Variants in NEAT1 observed in about 807,000 individuals in gnomAD.
NEAT1 encodes the protein MENepsilon/beta.
At chr11:65,437,251 A>ATGTAT (rs1856669607) in exon 1 of NEAT1, 1 of 146,714 alleles carries the variant, frequency 6.8e-6, no homozygotes, top group Non-Finnish European at 1.5e-5. Flanking sequence ...ATATATATAT[A>ATGTAT]CTAATTTTCT....
exon 1 of NEAT1, chr11:65,445,210 A>C (rs1856755607): frequency 6.6e-6 from 1 of 152,244 alleles, no homozygotes. Context: ...CTGAAGGGCC[A>C]GCACCTTCTC....
chr11:65,437,087 A>C lies in NEAT1; in HGVS notation n.14290A>C, dbSNP rs114712408. On this transcript the variant is annotated non_coding_transcript_exon_variant, in exon 1 of 1. Transcript: ENST00000501122. ...GGTTGTATACTTACTGATTAATAAT[A>C]AGAGCTCTTTACATATTAAGGAAAT... is the stretch of plus-strand genomic sequence containing the variant. 896 of 151,760 alleles carry C rather than the reference A, an allele frequency of 5.9e-3. 7 individuals are homozygous for C. The highest frequency in any genetic ancestry group is 0.021 in the African/African-American group (852 of 41,386). 9.4% of individuals were successfully genotyped at this position (151,760 alleles called of 1,614,324 possible). A position where few individuals can be genotyped will look rare whatever the true frequency, so the allele number is the denominator to read the frequency against.
chr11:65,438,895 CATT>C (rs1430312481), exon 1 of NEAT1: 2 of 152,144 alleles, frequency 1.3e-5, no homozygotes, highest in African/African-American at 4.8e-5. Flanking sequence ...TCAATTCTCT[CATT>C]ATATACCTAG....
exon 1 of NEAT1, chr11:65,426,375 C>G (rs1428103738): frequency 6.6e-6 from 1 of 152,082 alleles, no homozygotes; most frequent in Non-Finnish European, 1.5e-5. Flanking sequence ...CTCGGGTATG[C>G]TGTTGTGAAA....
chr11:65,425,198 AACAG>A (rs1471351992), exon 1 of NEAT1: 1 of 152,184 alleles, frequency 6.6e-6, no homozygotes, highest in African/African-American at 2.4e-5. Flanking sequence ...TTTAAGTGCA[AACAG>A]ACAAACTAAC....
At chr11:65,424,620 CAAATT>C (rs1422569479) in exon 1 of NEAT1, 3 of 152,126 alleles carry the variant, frequency 2.0e-5, no homozygotes, top group Admixed American at 1.3e-4. Context: ...AGCAGATTGT[CAAATT>C]AAGGGTGTCA....
At chr11:65,433,301 A>G in exon 1 of NEAT1, 1 of 152,204 alleles carries the variant, frequency 6.6e-6, no homozygotes, top group South Asian at 2.1e-4. Context: ...TGTTAATAAA[A>G]TGCAATGGAA....
At chr11:65,437,228 C>CATATATATATATACAT (rs377012577) in exon 1 of NEAT1, 6 of 129,288 alleles carry the variant, frequency 4.6e-5, no homozygotes, top group African/African-American at 1.8e-4. Flanking sequence ...TATATATATA[C>CATATATATATATACAT]ATATATATAT....
At chr11:65,430,811 A>G (rs1856608124) in exon 1 of NEAT1, 1 of 152,186 alleles carries the variant, frequency 6.6e-6, no homozygotes, top group African/African-American at 2.4e-5. Flanking sequence ...TTGTGAGTAT[A>G]TGATATCCAT....
exon 1 of NEAT1, chr11:65,432,355 C>A (rs1485023693): frequency 6.6e-6 from 1 of 152,124 alleles, no homozygotes; most frequent in African/African-American, 2.4e-5. Context: ...TGATTGTAAA[C>A]CTTATCCTCC....
At chr11:65,437,486 G>A (rs769312306) in exon 1 of NEAT1, 3 of 151,752 alleles carry the variant, frequency 2.0e-5, no homozygotes, top group Non-Finnish European at 2.9e-5. Flanking sequence ...GTCTATTCAC[G>A]TGCCAGTTCC....
exon 1 of NEAT1, chr11:65,431,985 C>T (rs1423226338): frequency 2.6e-5 from 4 of 152,126 alleles, no homozygotes. Context: ...TCCAAGAAAT[C>T]CTTGCCAAAT....
At chr11:65,433,765 T>C (rs1285964918) in exon 1 of NEAT1, 1 of 151,840 alleles carries the variant, frequency 6.6e-6, no homozygotes, top group Non-Finnish European at 1.5e-5. Context: ...CAATGGCTTT[T>C]GGGGTACAAA....
At chr11:65,443,525 TG>T (rs1190260277) in exon 1 of NEAT1, 1 of 152,216 alleles carries the variant, frequency 6.6e-6, no homozygotes, top group Non-Finnish European at 1.5e-5. Context: ...CACAATTACT[TG>T]GGCTGAAATA....
rs527434435 is a variant in NEAT1 at position 65,425,881 on chromosome 11, T to TAGC, written n.3086_3087insCAG. The TAGC allele has an allele frequency of 1.0e-3, 155 of 152,316 alleles. 1 individual carries two copies. The highest frequency in any genetic ancestry group is 3.6e-3 in the African/African-American group (150 of 41,564). 9.4% of individuals were successfully genotyped at this position (152,316 alleles called of 1,614,324 possible). A position where few individuals can be genotyped will look rare whatever the true frequency, so the allele number is the denominator to read the frequency against. ...TGGTCACTGTAAAATTAATATTTGG[T>TAGC]AGACAGAATCCATGTACCTTTGCTA... On this transcript the variant is annotated non_coding_transcript_exon_variant, in exon 1 of 1. Coordinates refer to ENST00000501122, the Ensembl canonical transcript of NEAT1.
chr11:65,442,090 C>CT (rs1317853296), exon 1 of NEAT1: 1 of 151,720 alleles, frequency 6.6e-6, no homozygotes, highest in African/African-American at 2.4e-5. Context: ...CAAAGGGTAA[C>CT]AGTGGACAGT....
At chr11:65,425,301 G>A (rs1455607272) in exon 1 of NEAT1, 1 of 152,132 alleles carries the variant, frequency 6.6e-6, no homozygotes, top group Admixed American at 6.5e-5. Context: ...CCAGTTTTCC[G>A]AGAACCAAAG....
chr11:65,439,038 C>T (rs1856690793), exon 1 of NEAT1: 1 of 152,166 alleles, frequency 6.6e-6, no homozygotes, highest in African/African-American at 2.4e-5. Context: ...GCATTCTTGC[C>T]AACACTAGTT....
chr11:65,443,877 T>C (rs1856738736), exon 1 of NEAT1: 1 of 153,064 alleles, frequency 6.5e-6, no homozygotes, highest in Non-Finnish European at 1.5e-5. Flanking sequence ...CCCGCGTAGC[T>C]CGCTTATCCC....
Sources: allele counts gnomAD v4.1 joint callset, GRCh38; gene constraint gnomAD v4.1.1; transcripts MANE v1.5; gene names NCBI Gene and HGNC (gene_info 2026-07-23, HGNC 2026-07-21).